Variants in EYS observed in about 807,000 individuals in gnomAD.
The protein encoded by EYS is protein eyes shut homolog.
In EYS, 250 loss-of-function variants were observed where a neutral mutation model predicts 282.1. The observed-to-expected ratio is 0.89, with a 90% confidence interval of 0.80 to 0.98. EYS has a LOEUF of 0.98. Ranked by LOEUF, EYS falls within the 50% of genes least tolerant of loss-of-function variation. The pLI is 0.00. For synonymous variants in EYS, 1,355 were observed against 1,282.9 expected (o/e 1.06, Z -1.20); for missense variants, 4,016 against 3,709.0 (o/e 1.08, Z -2.15).
At chr6:64,253,384 A>T (rs1377927321) in intron 30 of EYS, among the ~76,000 whole-genome samples, 1 of 152,134 alleles carries the variant, frequency 6.6e-6, no homozygotes, top group African/African-American at 2.4e-5. Flanking sequence ...TTTAAATGTA[A>T]GTGTTTGAAA....
chr6:65,023,822 C>T (rs371304435), intron 13 of EYS, among the ~76,000 whole-genome samples: 2 of 152,216 alleles, frequency 1.3e-5, no homozygotes, highest in Non-Finnish European at 2.9e-5. Flanking sequence ...GTCAAACAGA[C>T]GTTGATGTAA....
intron 35 of EYS, among the ~76,000 whole-genome samples, chr6:63,950,983 C>T (rs1372129119): frequency 7.9e-5 from 12 of 152,048 alleles, no homozygotes; most frequent in Admixed American, 2.0e-4. Flanking sequence ...GATTATTCAC[C>T]GACATTTCAG....
chr6:64,552,191 G>A (rs1290814826), intron 26 of EYS, among the ~76,000 whole-genome samples: 1 of 152,164 alleles, frequency 6.6e-6, no homozygotes, highest in Non-Finnish European at 1.5e-5. Context: ...CAGCTGGCCA[G>A]CATTAACACT....
rs374725590 is a variant in EYS at position 65,442,888 on chromosome 6, G to C, written c.863-37521C>G. ...TATACATACATATACACATACATAT[G>C]TACATATATGTATATATACATGCAC... On this transcript the variant is annotated intron_variant, in intron 5 of 42. Coordinates refer to ENST00000503581, the MANE Select transcript of EYS (RefSeq NM_001142800.2). 2.0e-5 allele frequency among the ~76,000 whole-genome samples: 2 copies of C among 100,226 alleles called. 1 individual carries two copies. The highest frequency in any genetic ancestry group is 7.5e-4 in the East Asian group (2 of 2,668). The allele number at this position is 100,226 out of a possible 152,430, so 65.8% of individuals were successfully genotyped here.
chr6:64,721,816 T>C (rs930735542), intron 22 of EYS, among the ~76,000 whole-genome samples: 1 of 152,188 alleles, frequency 6.6e-6, no homozygotes, highest in Non-Finnish European at 1.5e-5. Flanking sequence ...GTTTGCTTAT[T>C]GTTAGTTTGA....
intron 26 of EYS, among the ~76,000 whole-genome samples, chr6:64,533,541 A>G (rs2149794785): frequency 1.3e-5 from 2 of 152,086 alleles, no homozygotes; most frequent in East Asian, 3.8e-4. Flanking sequence ...CACTGGAACG[A>G]AATCTTTAAA....
At chr6:64,587,088 C>T (rs188946773) in intron 26 of EYS, among the ~76,000 whole-genome samples, 2 of 152,192 alleles carry the variant, frequency 1.3e-5, no homozygotes, top group African/African-American at 2.4e-5. Context: ...GGCTAGCAAT[C>T]ATGCACTTCA....
At chr6:64,567,150 GAAA>G (rs377115312) in intron 26 of EYS, among the ~76,000 whole-genome samples, 4,598 of 144,266 alleles carry the variant, frequency 0.032, 154 homozygotes, top group East Asian at 0.11. Flanking sequence ...AGGACTAAAA[GAAA>G]AAAAAAAATT....
chr6:64,365,599 T>C lies in EYS; in HGVS notation c.6078+23091A>G, dbSNP rs145117928. Among the ~76,000 whole-genome samples, 473 of 152,154 alleles carry C rather than the reference T, an allele frequency of 3.1e-3. 1 individual carries two copies. Among genetic ancestry groups the C allele is most frequent in the South Asian group, 0.013 (64 of 4,830 alleles). On this transcript the variant is annotated intron_variant, in intron 29 of 42. Transcript: ENST00000503581. ...CACTCCAAATAAAGGGCAATTCATTTGTACAGTAGTCCCCCCTTATTCATG... is the reference window on the plus strand; with the variant it reads ...CACTCCAAATAAAGGGCAATTCATTCGTACAGTAGTCCCCCCTTATTCATG...
At chr6:63,734,326 C>T (rs1230245539) in intron 41 of EYS, among the ~76,000 whole-genome samples, 2 of 151,998 alleles carry the variant, frequency 1.3e-5, no homozygotes, top group East Asian at 1.9e-4. Flanking sequence ...AGAAAATTGT[C>T]TCTCTACATA....
chr6:63,861,486 C>A (rs114286964), intron 36 of EYS, among the ~76,000 whole-genome samples: 146 of 152,256 alleles, frequency 9.6e-4, no homozygotes, highest in African/African-American at 3.3e-3. Flanking sequence ...CCTTTTCAAG[C>A]CTTTCAACGG....
chr6:65,193,434 C>T (rs189019881), intron 12 of EYS, among the ~76,000 whole-genome samples: 214 of 151,696 alleles, frequency 1.4e-3, no homozygotes, highest in Non-Finnish European at 2.4e-3. Flanking sequence ...GACATCGATG[C>T]GCCTTTTCAA....
At chr6:64,667,512 A>G (rs1333119008) in intron 22 of EYS, among the ~76,000 whole-genome samples, 1 of 150,240 alleles carries the variant, frequency 6.7e-6, no homozygotes, top group African/African-American at 2.4e-5. Context: ...GGAACTTATG[A>G]CTTTTTTTTT....
At chr6:64,931,032 C>A (rs904984527) in intron 15 of EYS, among the ~76,000 whole-genome samples, 12 of 152,120 alleles carry the variant, frequency 7.9e-5, no homozygotes, top group African/African-American at 2.7e-4. Context: ...ACATCGCTAG[C>A]CCAATTTGCT....
intron 29 of EYS, among the ~76,000 whole-genome samples, chr6:64,335,403 G>T (rs937602145): frequency 6.6e-6 from 1 of 152,012 alleles, no homozygotes. Flanking sequence ...TAGCGTGCCT[G>T]CAGGGTCACA....
intron 35 of EYS, among the ~76,000 whole-genome samples, chr6:63,963,756 G>T (rs748319675): frequency 4.6e-5 from 7 of 152,194 alleles, no homozygotes; most frequent in Admixed American, 2.0e-4. Context: ...TACCATTGGA[G>T]AATATTTTTT....
chr6:63,985,022 C>T lies in EYS; in HGVS notation c.6835-419G>A, dbSNP rs1582081138. On this transcript the variant is annotated intron_variant, in intron 34 of 42. Coordinates refer to ENST00000503581, the MANE Select transcript of EYS (RefSeq NM_001142800.2). Reference sequence around the variant, plus strand: ...CCAAATTCATATATTGAAGTTCTAACCCCTAGTACCTCAGAATGTGACTTT... The same window carrying T: ...CCAAATTCATATATTGAAGTTCTAATCCCTAGTACCTCAGAATGTGACTTT... Among the ~76,000 whole-genome samples, 7 of 151,722 alleles carry T rather than the reference C, an allele frequency of 4.6e-5. 1 individual carries two copies. The highest frequency in any genetic ancestry group is 3.9e-4 in the Admixed American group (6 of 15,200).
At chr6:65,533,926 A>G (rs1767875294) in intron 2 of EYS, among the ~76,000 whole-genome samples, 1 of 152,114 alleles carries the variant, frequency 6.6e-6, no homozygotes, top group Non-Finnish European at 1.5e-5. Flanking sequence ...ACACAGATCA[A>G]TCTCAACTCA....
At chr6:64,709,089 AAATAT>A (rs1771124034) in intron 22 of EYS, among the ~76,000 whole-genome samples, 1 of 152,200 alleles carries the variant, frequency 6.6e-6, no homozygotes, top group Non-Finnish European at 1.5e-5. Flanking sequence ...ATACAGATGA[AAATAT>A]AATATGTTTT....
Sources: gnomAD v4.1 joint callset for allele counts (sites outside exome capture counted in the v4.1 genomes callset) on GRCh38, gnomAD v4.1.1 for gene constraint, MANE v1.5 for transcripts, NCBI Gene and HGNC (gene_info 2026-07-23, HGNC 2026-07-21) for gene names.